The following LRP1B variants were observed in gnomAD, a reference collection of about 807,000 sequenced individuals.
The protein encoded by LRP1B is low-density lipoprotein receptor-related protein 1B.
In LRP1B, 217 loss-of-function variants were observed where a neutral mutation model predicts 556.6. The ratio of observed to expected loss-of-function variants is 0.39; its 90% CI spans 0.35 to 0.44. LRP1B has a LOEUF of 0.44. LRP1B is among the 20% of genes least tolerant of loss of function. LRP1B has a pLI of 1.00. For missense variants in LRP1B, 5,053 were observed against 5,620.8 expected, an observed-to-expected ratio of 0.90 and a Z score of 3.23; for synonymous variants, 2,047 against 1,865.8, an observed-to-expected ratio of 1.10 and a Z score of -2.50.
At position 140,360,580 on chromosome 2, in the gene LRP1B, G is replaced by A. The variant is rs111931451; in HGVS notation, c.11132-1634C>T. Among the ~76,000 whole-genome samples the A allele has an allele frequency of 1.1e-4, 17 of 151,406 alleles. 1 individual carries two copies. Among genetic ancestry groups the A allele is most frequent in the African/African-American group, 3.1e-4 (13 of 41,364 alleles). ...AATTAACTTCAAAATCACCACCTCC[G>A]CCCCAGTTTACTGAAGACTAGCACA... On this transcript the variant is annotated intron_variant, in intron 72 of 90. Coordinates refer to ENST00000389484, the MANE Select transcript of LRP1B (RefSeq NM_018557.3).
intron 66 of LRP1B, among the ~76,000 whole-genome samples, chr2:140,430,992 G>C (rs1376638784): frequency 6.6e-6 from 1 of 152,146 alleles, no homozygotes; most frequent in Non-Finnish European, 1.5e-5. Context: ...CACTGGATGG[G>C]TAGAGGCCTT....
At chr2:141,591,328 T>G (rs2105294657) in intron 2 of LRP1B, among the ~76,000 whole-genome samples, 1 of 147,326 alleles carries the variant, frequency 6.8e-6, no homozygotes, top group East Asian at 2.1e-4. Context: ...AAAGACTTGG[T>G]TTTAGTACTG....
chr2:140,745,957 T>C (rs915330357), intron 35 of LRP1B, among the ~76,000 whole-genome samples: 7 of 152,170 alleles, frequency 4.6e-5, no homozygotes, highest in African/African-American at 1.2e-4. Flanking sequence ...GATTGTGATA[T>C]GCATTCCAAC....
intron 21 of LRP1B, among the ~76,000 whole-genome samples, chr2:140,912,232 C>A (rs75604015): frequency 0.046 from 7,018 of 151,570 alleles, 184 homozygotes; most frequent in Non-Finnish European, 0.052. Flanking sequence ...AACCCAAAAG[C>A]AAATGGCCTC....
intron 3 of LRP1B, among the ~76,000 whole-genome samples, chr2:141,267,711 G>A (rs908787553): frequency 4.6e-5 from 7 of 152,172 alleles, no homozygotes; most frequent in Admixed American, 6.5e-5. Context: ...ATTGCCAGTA[G>A]AAACTGTGTA....
chr2:141,443,688 C>T (rs1024407277), intron 3 of LRP1B, among the ~76,000 whole-genome samples: 8 of 152,066 alleles, frequency 5.3e-5, no homozygotes, highest in Non-Finnish European at 1.0e-4. Flanking sequence ...AACAGGGAAT[C>T]CTTTCCCCAT....
intron 32 of LRP1B, among the ~76,000 whole-genome samples, chr2:140,780,790 T>C (rs1689670741): frequency 6.6e-6 from 1 of 152,114 alleles, no homozygotes; most frequent in Non-Finnish European, 1.5e-5. Flanking sequence ...TTTTTCTGAT[T>C]GCATTATTTT....
At chr2:141,778,479 T>C (rs1326328386) in intron 2 of LRP1B, among the ~76,000 whole-genome samples, 3 of 152,186 alleles carry the variant, frequency 2.0e-5, no homozygotes, top group Non-Finnish European at 4.4e-5. Flanking sequence ...AGCTCAGAGA[T>C]AGGCAGACAG....
At chr2:140,427,170 T>C (rs115313303) in intron 66 of LRP1B, among the ~76,000 whole-genome samples, 4,721 of 152,282 alleles carry the variant, frequency 0.031, 226 homozygotes, top group African/African-American at 0.11. Flanking sequence ...GTTTAATCAT[T>C]GCGAGGACAC....
chr2:140,863,862 C>T (rs1692870034), intron 27 of LRP1B, among the ~76,000 whole-genome samples: 1 of 152,012 alleles, frequency 6.6e-6, no homozygotes, highest in South Asian at 2.1e-4. Flanking sequence ...TCCTCTTAGA[C>T]TATAAACTCC....
rs545571830 is a variant in LRP1B, at chr2:141,889,207, A to T, written c.83-78806T>A. Among the ~76,000 whole-genome samples the T allele has an allele frequency of 7.2e-5, 11 of 152,248 alleles. No homozygotes were observed. The South Asian group carries it at 2.3e-3, about 32-fold the overall frequency. On this transcript the variant is annotated intron_variant, in intron 1 of 90. Coordinates refer to ENST00000389484, the MANE Select transcript of LRP1B (RefSeq NM_018557.3). ...AGCATTATTAATATTTTTTAAAAAA[A>T]CTGTAGCATAAATAAGAAAAAATGG...
At chr2:141,324,305 A>T (rs1687360488) in intron 3 of LRP1B, among the ~76,000 whole-genome samples, 1 of 152,160 alleles carries the variant, frequency 6.6e-6, no homozygotes, top group Non-Finnish European at 1.5e-5. Context: ...TATATAATGA[A>T]TTATAAGGAA....
At chr2:141,039,472 C>G (rs1698634536) in intron 11 of LRP1B, among the ~76,000 whole-genome samples, 1 of 151,896 alleles carries the variant, frequency 6.6e-6, no homozygotes, top group South Asian at 2.1e-4. Context: ...GGTTTTTGAA[C>G]TTATTTACCT....
chr2:140,641,796 A>C (rs1684306557), intron 41 of LRP1B, among the ~76,000 whole-genome samples: 1 of 152,230 alleles, frequency 6.6e-6, no homozygotes, highest in Non-Finnish European at 1.5e-5. Flanking sequence ...TATTGAGAGA[A>C]ACAGTTAATA....
intron 1 of LRP1B, among the ~76,000 whole-genome samples, chr2:141,834,884 G>C (rs1486630081): frequency 6.6e-6 from 1 of 151,928 alleles, no homozygotes; most frequent in Admixed American, 6.6e-5. Flanking sequence ...GAGTGAATAA[G>C]ACAGGTGGAA....
intron 1 of LRP1B, among the ~76,000 whole-genome samples, chr2:141,896,630 A>C (rs1263048381): frequency 3.9e-5 from 6 of 152,200 alleles, no homozygotes; most frequent in Non-Finnish European, 8.8e-5. Flanking sequence ...GTACCAGAAC[A>C]ATCACAAATG....
intron 2 of LRP1B, among the ~76,000 whole-genome samples, chr2:141,703,615 A>T (rs1052846185): frequency 6.6e-6 from 1 of 151,930 alleles, no homozygotes; most frequent in African/African-American, 2.4e-5. Flanking sequence ...AAGTCCTTTC[A>T]TTCAACTCCC....
chr2:140,834,582 A>C (rs1449983382), intron 31 of LRP1B, among the ~76,000 whole-genome samples: 1 of 152,140 alleles, frequency 6.6e-6, no homozygotes, highest in Non-Finnish European at 1.5e-5. Context: ...CCTCTCTTAG[A>C]TACTACTAAG....
chr2:141,879,571 A>G (rs1486794269), intron 1 of LRP1B, among the ~76,000 whole-genome samples: 1 of 151,928 alleles, frequency 6.6e-6, no homozygotes, highest in African/African-American at 2.4e-5. Flanking sequence ...TGTCACAGAA[A>G]CTTTCAATAG....
Sources: allele counts gnomAD v4.1 joint callset (sites outside exome capture counted in the v4.1 genomes callset), GRCh38; gene constraint gnomAD v4.1.1; transcripts MANE v1.5; gene names NCBI Gene and HGNC (gene_info 2026-07-23, HGNC 2026-07-21).